SPON1: variants seen among roughly 807,000 people sequenced by gnomAD.
The protein encoded by SPON1 is spondin 1.
SPON1 carries 52 observed loss-of-function variants against 111.7 expected under a neutral mutation model. The observed-to-expected ratio is 0.47, with a 90% CI of 0.37 to 0.59. SPON1 has a LOEUF of 0.59. SPON1 is among the 20% of genes least tolerant of loss of function. SPON1 has a pLI of 0.00. For synonymous variants in SPON1, 410 were observed against 395.8 expected, an observed-to-expected ratio of 1.04 and a Z score of -0.43; for missense variants, 957 against 1,068.5, an observed-to-expected ratio of 0.90 and a Z score of 1.46.
At chr11:14,039,961 A>G (rs1458316973) in intron 2 of SPON1, among the ~76,000 whole-genome samples, 1 of 152,258 alleles carries the variant, frequency 6.6e-6, no homozygotes, top group Non-Finnish European at 1.5e-5. Context: ...GTAACATTAA[A>G]ATAAGATACT....
intron 3 of SPON1, among the ~76,000 whole-genome samples, chr11:14,053,270 C>T (rs1848720922): frequency 6.6e-6 from 1 of 152,118 alleles, no homozygotes; most frequent in African/African-American, 2.4e-5. Context: ...CAAAGTAAAA[C>T]CCCTTATTCA....
At chr11:13,964,724 G>A (rs1008003025) in intron 1 of SPON1, among the ~76,000 whole-genome samples, 2 of 152,170 alleles carry the variant, frequency 1.3e-5, no homozygotes, top group Admixed American at 6.5e-5. Flanking sequence ...CGGCTAGAGC[G>A]AGCCGCGCCG....
chr11:14,163,686 G>A (rs1217501825), intron 6 of SPON1, among the ~76,000 whole-genome samples: 2 of 152,136 alleles, frequency 1.3e-5, no homozygotes, highest in South Asian at 2.1e-4. Flanking sequence ...AAATACACAT[G>A]CAGAAAAATG....
At chr11:14,146,854 A>C (rs1211613176) in intron 6 of SPON1, among the ~76,000 whole-genome samples, 1 of 152,064 alleles carries the variant, frequency 6.6e-6, no homozygotes, top group Non-Finnish European at 1.5e-5. Flanking sequence ...TTGGAAAAAC[A>C]CTAGATCCTT....
intron 6 of SPON1, among the ~76,000 whole-genome samples, chr11:14,155,506 T>TATTTC (rs1432296171): frequency 6.6e-6 from 1 of 151,442 alleles, no homozygotes; most frequent in Non-Finnish European, 1.5e-5. Context: ...ATTTTTATTT[T>TATTTC]ATTATTATTA....
intron 2 of SPON1, among the ~76,000 whole-genome samples, chr11:13,987,462 A>G (rs1159362525): frequency 2.0e-5 from 3 of 152,182 alleles, no homozygotes; most frequent in Non-Finnish European, 4.4e-5. Context: ...GCCCTTTGTC[A>G]GATGGATAGA....
At chr11:14,069,894 T>C (rs1369451154) in intron 3 of SPON1, among the ~76,000 whole-genome samples, 2 of 151,996 alleles carry the variant, frequency 1.3e-5, no homozygotes, top group African/African-American at 4.8e-5. Context: ...GCAGATAAGT[T>C]TTCACTTTTC....
At chr11:14,157,420 G>A (rs1378033716) in intron 6 of SPON1, among the ~76,000 whole-genome samples, 1 of 152,128 alleles carries the variant, frequency 6.6e-6, no homozygotes, top group African/African-American at 2.4e-5. Context: ...ATGGTTGCTT[G>A]TTAGAAAATA....
chr11:14,169,864 T>G (rs1202072510), intron 6 of SPON1, among the ~76,000 whole-genome samples: 3 of 152,206 alleles, frequency 2.0e-5, no homozygotes, highest in African/African-American at 2.4e-5. Context: ...TATCTCTGTT[T>G]TGGTACCAGT....
chr11:14,013,931 A>G (rs1355277205), intron 2 of SPON1, among the ~76,000 whole-genome samples: 1 of 152,200 alleles, frequency 6.6e-6, no homozygotes, highest in Non-Finnish European at 1.5e-5. Context: ...TGTAGCGGGG[A>G]AAAAGAAAGT....
chr11:14,255,677 A>G lies in SPON1; in HGVS notation c.1123A>G (p.Lys375Glu). 6.2e-7 allele frequency: 1 copy of G among 1,613,848 alleles called. No individual in the cohort carries two copies. Among genetic ancestry groups the G allele is most frequent in the Non-Finnish European group, 8.5e-7 (1 of 1,179,844 alleles). Residue 375 changes from lysine to glutamate, a missense_variant, in exon 9 of 16, where the codon AAA becomes GAA. Lys to Glu is a moderately conservative substitution (Grantham distance 56, BLOSUM62 1). Coordinates refer to ENST00000576479, the MANE Select transcript of SPON1 (RefSeq NM_006108.4). ...CAACAAACCCACCATTCCCCAGGAG[A>G]AAATCCGGCCCCTGACCAGCCTGGA... ...SPNKPTIPQE[K>E]IRPLTSLDHP...
intron 6 of SPON1, among the ~76,000 whole-genome samples, chr11:14,205,834 A>G (rs1308771934): frequency 1.3e-5 from 2 of 152,196 alleles, no homozygotes; most frequent in Non-Finnish European, 2.9e-5. Context: ...CTTTTGCTTC[A>G]GTCAAAGAGG....
intron 3 of SPON1, among the ~76,000 whole-genome samples, chr11:14,055,907 G>T (rs1554919144): frequency 2.0e-5 from 3 of 152,176 alleles, no homozygotes. Flanking sequence ...TCTCACACAA[G>T]GTGGGCACCA....
At chr11:14,230,028 A>G (rs569981177) in intron 6 of SPON1, among the ~76,000 whole-genome samples, 1 of 151,810 alleles carries the variant, frequency 6.6e-6, no homozygotes, top group East Asian at 1.9e-4. Context: ...AGTGTCTGCC[A>G]CAACACAAAA....
rs951293594 is a variant in SPON1, at chr11:14,228,289, A to G, written c.826-15043A>G. 6.6e-6 allele frequency among the ~76,000 whole-genome samples: 1 copy of G among 152,220 alleles called. No individual in the cohort carries two copies. Among genetic ancestry groups the G allele is most frequent in the African/African-American group, 2.4e-5 (1 of 41,454 alleles). On this transcript the variant is annotated intron_variant, in intron 6 of 15. Coordinates refer to ENST00000576479, the MANE Select transcript of SPON1 (RefSeq NM_006108.4). This position sits in a 1 kb window ranked among gnomAD's most constrained non-coding sequence, Gnocchi z 4.2. ...CACACGTATCCTTTGGGCTTTACCT[A>G]GTCAAAATGTCTTTGATTTGTTAAC... is the stretch of plus-strand genomic sequence containing the variant.
At chr11:14,053,767 C>CT (rs1159789674) in intron 3 of SPON1, among the ~76,000 whole-genome samples, 51 of 152,338 alleles carry the variant, frequency 3.3e-4, no homozygotes, top group Admixed American at 1.3e-4. Context: ...TTTACACCTA[C>CT]TTTGTCTTTC....
chr11:14,015,374 T>C (rs1013377231), intron 2 of SPON1, among the ~76,000 whole-genome samples: 1 of 152,288 alleles, frequency 6.6e-6, no homozygotes, highest in South Asian at 2.1e-4. Flanking sequence ...AGGGATAATA[T>C]AAGCAGTTTC....
At chr11:14,040,351 A>G (rs1046236746) in intron 2 of SPON1, among the ~76,000 whole-genome samples, 1 of 152,228 alleles carries the variant, frequency 6.6e-6, no homozygotes, top group Non-Finnish European at 1.5e-5. Flanking sequence ...TAACAATGAT[A>G]TAGCTCAAAA....
At chr11:14,197,488 A>AAAATAAAT (rs10642040) in intron 6 of SPON1, among the ~76,000 whole-genome samples, 10,926 of 144,938 alleles carry the variant, frequency 0.075, 451 homozygotes, top group African/African-American at 0.096. Context: ...GTCCTCTTTA[A>AAAATAAAT]AAATAAATAA....
Sources: gnomAD v4.1 joint callset for allele counts (sites outside exome capture counted in the v4.1 genomes callset) on GRCh38, gnomAD v4.1.1 for gene constraint, Gnocchi (gnomAD v3.1) non-coding constraint, MANE v1.5 for transcripts, NCBI Gene and HGNC (gene_info 2026-07-23, HGNC 2026-07-21) for gene names.